IL1RAPL2: variants seen among roughly 807,000 people sequenced by gnomAD.
The protein encoded by IL1RAPL2 is X-linked interleukin-1 receptor accessory protein-like 2.
Under a neutral mutation model 44.1 loss-of-function variants are expected in IL1RAPL2, and 3 were observed. The ratio of observed to expected loss-of-function variants is 0.07; its 90% CI spans 0.03 to 0.18. The LOEUF is 0.18. Ranked by LOEUF, IL1RAPL2 falls within the 10% of genes least tolerant of loss-of-function variation. The pLI, the probability that IL1RAPL2 is intolerant of heterozygous loss-of-function variation, is 1.00. For missense variants in IL1RAPL2, 391 were observed against 496.4 expected (o/e 0.79, Z 2.02); for synonymous variants, 181 against 178.8 (o/e 1.01, Z -0.10).
chrX:105,368,587 C>T (rs2035313412), intron 5 of IL1RAPL2, among the ~76,000 whole-genome samples: 1 of 111,564 alleles, frequency 9.0e-6, no homozygotes, highest in Non-Finnish European at 1.9e-5. Flanking sequence ...TAACAATTCA[C>T]TTTTTCTTTG....
At chrX:104,701,822 A>G (rs1327046045) in intron 2 of IL1RAPL2, among the ~76,000 whole-genome samples, 14 of 111,845 alleles carry the variant, frequency 1.3e-4, no homozygotes, top group South Asian at 1.1e-3. Flanking sequence ...TTGGGTGAGT[A>G]ATATGGGTTT....
intron 6 of IL1RAPL2, among the ~76,000 whole-genome samples, chrX:105,554,520 G>A (rs1277392679): frequency 1.8e-5 from 2 of 111,317 alleles, no homozygotes; most frequent in African/African-American, 6.5e-5. Context: ...ATTTTTCAGT[G>A]TTCCCACCCT....
chrX:105,639,355 C>A (rs1376588022), intron 6 of IL1RAPL2, among the ~76,000 whole-genome samples: 3 of 111,680 alleles, frequency 2.7e-5, no homozygotes, highest in African/African-American at 9.8e-5. Context: ...TAACTCTCCA[C>A]TGGGCATTTT....
At chrX:105,408,120 T>C (rs780506507) in intron 5 of IL1RAPL2, among the ~76,000 whole-genome samples, 1 of 112,230 alleles carries the variant, frequency 8.9e-6, no homozygotes, top group Non-Finnish European at 1.9e-5. Context: ...GAATGAGGAA[T>C]TTTAAACACA....
At chrX:104,944,733 C>G (rs1284166809) in intron 2 of IL1RAPL2, among the ~76,000 whole-genome samples, 1 of 111,714 alleles carries the variant, frequency 9.0e-6, no homozygotes, top group African/African-American at 3.3e-5. Context: ...TGATCTTAGA[C>G]TAATTATTTA....
chrX:104,865,066 C>A (rs1470689397), intron 2 of IL1RAPL2, among the ~76,000 whole-genome samples: 1 of 111,312 alleles, frequency 9.0e-6, no homozygotes, highest in Non-Finnish European at 1.9e-5. Flanking sequence ...GACATACTTA[C>A]CCCCACATTG....
At chrX:105,241,298 C>G (rs1208864011) in intron 4 of IL1RAPL2, among the ~76,000 whole-genome samples, 1 of 111,220 alleles carries the variant, frequency 9.0e-6, no homozygotes, top group African/African-American at 3.3e-5. Flanking sequence ...ATAAATCATT[C>G]ATTTTGCCAA....
rs1929339770 is a variant in IL1RAPL2, at chrX:104,619,320, C to A, written c.-19-39575C>A. On this transcript the variant is annotated intron_variant, in intron 1 of 10. Transcript: ENST00000372582. ...CCTGCAACTTTTCCTGGTGTCTTTC[C>A]CTTGCAGAGTCTCTAAGCCTCTCCT... is the stretch of plus-strand genomic sequence containing the variant. Among the ~76,000 whole-genome samples the A allele has an allele frequency of 2.7e-5, 3 of 112,195 alleles. No homozygotes were observed. In the South Asian group the frequency reaches 1.1e-3, roughly 42 times the overall value.
chrX:105,014,619 C>G (rs1484881869), intron 2 of IL1RAPL2, among the ~76,000 whole-genome samples: 1 of 112,092 alleles, frequency 8.9e-6, no homozygotes. Context: ...CCAGCTTCAT[C>G]CATATGCCTG....
intron 6 of IL1RAPL2, among the ~76,000 whole-genome samples, chrX:105,630,815 T>G (rs777149848): frequency 9.0e-6 from 1 of 111,170 alleles, no homozygotes; most frequent in African/African-American, 3.3e-5. Context: ...TTATCCTATT[T>G]ATTCACTTCT....
intron 5 of IL1RAPL2, among the ~76,000 whole-genome samples, chrX:105,273,019 A>G (rs1221851704): frequency 9.0e-6 from 1 of 111,439 alleles, no homozygotes; most frequent in East Asian, 2.8e-4. Flanking sequence ...GAACATAGCA[A>G]TATGGTGGAG....
chrX:105,239,470 A>G (rs373256474), intron 4 of IL1RAPL2, among the ~76,000 whole-genome samples: 1 of 111,354 alleles, frequency 9.0e-6, no homozygotes, highest in African/African-American at 3.3e-5. Context: ...GTGAACCAAC[A>G]TTCTGTTTCT....
intron 2 of IL1RAPL2, among the ~76,000 whole-genome samples, chrX:105,106,380 G>A (rs1474998867): frequency 9.0e-6 from 1 of 110,611 alleles, no homozygotes; most frequent in Non-Finnish European, 1.9e-5. Context: ...AGCCATGGAG[G>A]AGTCATTTTA....
intron 5 of IL1RAPL2, among the ~76,000 whole-genome samples, chrX:105,462,246 C>G (rs774663006): frequency 1.8e-5 from 2 of 111,258 alleles, no homozygotes; most frequent in South Asian, 7.5e-4. Context: ...ATTAATATCT[C>G]ACTTGGGGTT....
chrX:104,917,326 G>C (rs988684214), intron 2 of IL1RAPL2, among the ~76,000 whole-genome samples: 7 of 112,059 alleles, frequency 6.2e-5, no homozygotes, highest in South Asian at 3.7e-4. Context: ...ACATTCTTCA[G>C]ATGGCAGAGA....
At chrX:105,585,920 A>G (rs1294701630) in intron 6 of IL1RAPL2, among the ~76,000 whole-genome samples, 1 of 112,281 alleles carries the variant, frequency 8.9e-6, no homozygotes, top group African/African-American at 3.2e-5. Flanking sequence ...TTGCAATACC[A>G]TTAAGGACAT....
In IL1RAPL2 at chrX:104,948,652, C is replaced by G. The variant is rs376307256; in HGVS notation, c.83-246823C>G. Among the ~76,000 whole-genome samples the G allele has an allele frequency of 2.7e-5, 3 of 111,196 alleles. No homozygotes were observed. The East Asian group carries it at 8.5e-4, about 31-fold the overall frequency. ...AGCATTGTTGAATTTTGTCAAAGGC[C>G]TTTTCTGCATCTATTGAGATAATCA... is the stretch of plus-strand genomic sequence containing the variant. On this transcript the variant is annotated intron_variant, in intron 2 of 10. Transcript: ENST00000372582.
chrX:105,755,414 A>G (rs2038629974), intron 10 of IL1RAPL2, 67 bp downstream of exon 10: 1 of 825,645 alleles, frequency 1.2e-6, no homozygotes, highest in East Asian at 3.2e-5. Context: ...GAAGGCTTCA[A>G]ACATCAGAGC....
chrX:105,767,121 T>C lies in IL1RAPL2; in HGVS notation c.1521T>C (p.Ile507=), dbSNP rs766069152. The C allele has an allele frequency of 9.9e-6, 12 of 1,209,718 alleles. 1 individual carries two copies. In the Admixed American group the frequency reaches 2.6e-4, roughly 26 times the overall value. Residue 507 remains isoleucine (I), a synonymous_variant, in exon 11 of 11, where the codon ATT becomes ATC. Transcript: ENST00000372582. Reference sequence around the variant, plus strand: ...GTGGAGAAATCAAAGTGATTTTGATTGAGTGTACAGAATTAAAAGGGAAAG... The same window carrying C: ...GTGGAGAAATCAAAGTGATTTTGATCGAGTGTACAGAATTAAAAGGGAAAG... The part of the protein sequence containing the change: ...LVSGEIKVIL[I]ECTELKGKVN...
Sources: allele counts gnomAD v4.1 joint callset (sites outside exome capture counted in the v4.1 genomes callset), GRCh38; gene constraint gnomAD v4.1.1; transcripts MANE v1.5; gene names NCBI Gene and HGNC (gene_info 2026-07-23, HGNC 2026-07-21).